The following ESRRB variants were observed in gnomAD, a reference collection of about 807,000 sequenced individuals.
ESRRB encodes estrogen related receptor beta.
Under a neutral mutation model 46.0 loss-of-function variants are expected in ESRRB, and 16 were observed. The ratio of observed to expected loss-of-function variants is 0.35; its 90% CI spans 0.24 to 0.53. ESRRB has a LOEUF of 0.53. Among genes scored for constraint, ESRRB ranks in the 20% least tolerant of loss-of-function variants. The pLI is 0.93. For synonymous variants in ESRRB, 246 were observed against 259.6 expected (o/e 0.95, Z 0.50); for missense variants, 488 against 607.4 (o/e 0.80, Z 2.07).
At position 76,482,890 on chromosome 14, in the gene ESRRB, G is replaced by C. The variant is rs1889865013; in HGVS notation, c.850+131G>C. On this transcript the variant is annotated intron_variant, in intron 5 of 6. Transcript: ENST00000644823. The surrounding 1 kb of genome is among the most constrained non-coding windows in gnomAD (Gnocchi z 4.3). ...AGGCCTGTGAAATCCTGGCAGGCCT[G>C]TTTCTCTGAGCTCCTCTTCTCTCCT... 3 of 1,056,330 alleles carry C rather than the reference G, an allele frequency of 2.8e-6. No individual in the cohort carries two copies. The highest frequency in any genetic ancestry group is 2.7e-5 in the South Asian group (2 of 74,898). The allele number at this position is 1,056,330 out of a possible 1,614,324, so 65.4% of individuals were successfully genotyped here.
At chr14:76,486,472 T>G (rs1410552761) in intron 5 of ESRRB, among the ~76,000 whole-genome samples, 1 of 152,154 alleles carries the variant, frequency 6.6e-6, no homozygotes, top group Non-Finnish European at 1.5e-5. Context: ...ACATCTCCCT[T>G]TATTACCTCT....
At chr14:76,314,056 G>C (rs946504642) in intron 1 of ESRRB, among the ~76,000 whole-genome samples, 1 of 152,098 alleles carries the variant, frequency 6.6e-6, no homozygotes, top group South Asian at 2.1e-4. Context: ...CTCCCAGTGA[G>C]AGTTTAAACA....
chr14:76,437,180 C>T (rs551847810), intron 1 of ESRRB, among the ~76,000 whole-genome samples: 5 of 152,194 alleles, frequency 3.3e-5, no homozygotes, highest in East Asian at 1.9e-4. Flanking sequence ...TACAGGCCGG[C>T]GCCACCATGC....
chr14:76,481,684 C>T (rs1260757020), intron 3 of ESRRB, among the ~76,000 whole-genome samples: 1 of 152,202 alleles, frequency 6.6e-6, no homozygotes, highest in Non-Finnish European at 1.5e-5. Flanking sequence ...GCAGATCTAA[C>T]ATAATGTGAC....
At position 76,500,209 on chromosome 14, in the gene ESRRB, G is replaced by A; in HGVS notation, c.*1751G>A. 2 of 662,532 alleles carry A rather than the reference G, an allele frequency of 3.0e-6. No individual in the cohort carries two copies. The highest frequency in any genetic ancestry group is 3.9e-5 in the South Asian group (2 of 51,782). The allele number at this position is 662,532 out of a possible 1,614,324, so 41.0% of individuals were successfully genotyped here. A position where few individuals can be genotyped will look rare whatever the true frequency, so the allele number is the denominator to read the frequency against. On this transcript the variant is annotated 3_prime_UTR_variant, in exon 7 of 7. Coordinates refer to ENST00000644823, the MANE Select transcript of ESRRB (RefSeq NM_001379180.1). ...GAGGGCTGGCTGAAATCCACAAACTGCAGAGCAGCTCTCTGATGGTGTCCC... is the reference window on the plus strand; with the variant it reads ...GAGGGCTGGCTGAAATCCACAAACTACAGAGCAGCTCTCTGATGGTGTCCC...
At position 76,442,807 on chromosome 14, in the gene ESRRB, CT is replaced by C. The variant is rs974076951; in HGVS notation, c.460+3065del. Among the ~76,000 whole-genome samples the C allele has an allele frequency of 5.0e-4, 71 of 143,184 alleles. No homozygotes were observed. In the East Asian group the frequency reaches 6.0e-3, roughly 12 times the overall value. The allele number at this position is 143,184 out of a possible 152,430, so 93.9% of individuals were successfully genotyped here. On this transcript the variant is annotated intron_variant, in intron 2 of 6. Transcript: ENST00000644823. The stretch of plus-strand genomic sequence containing the variant: ...TAGTTATAAATTTCTTTTTTCTTTT[CT>C]TTTTTTTCTTTTTTTTTTTTTTTTG...
At chr14:76,483,399 G>A (rs935934937) in intron 5 of ESRRB, among the ~76,000 whole-genome samples, 1 of 152,154 alleles carries the variant, frequency 6.6e-6, no homozygotes, top group East Asian at 1.9e-4. Flanking sequence ...ATTGCCATTC[G>A]CCTGATCTCT....
chr14:76,342,854 C>T (rs889610900), intron 1 of ESRRB, among the ~76,000 whole-genome samples: 5 of 152,192 alleles, frequency 3.3e-5, no homozygotes, highest in African/African-American at 1.2e-4. Flanking sequence ...CCTGGGATCA[C>T]AGCAGTGAAC....
intron 1 of ESRRB, among the ~76,000 whole-genome samples, chr14:76,415,799 G>C (rs896999094): frequency 6.6e-6 from 1 of 151,998 alleles, no homozygotes. Context: ...GAGCCACTGC[G>C]CCTGATAAGC....
At chr14:76,432,586 A>G (rs759952750) in intron 1 of ESRRB, among the ~76,000 whole-genome samples, 2 of 151,344 alleles carry the variant, frequency 1.3e-5, no homozygotes, top group South Asian at 4.2e-4. Context: ...GCCTCACTCA[A>G]TGCCCCCCTC....
chr14:76,316,749 GA>G (rs58419416), intron 1 of ESRRB, among the ~76,000 whole-genome samples: 7 of 150,138 alleles, frequency 4.7e-5, no homozygotes, highest in South Asian at 2.1e-4. Flanking sequence ...CTCTGTCCAG[GA>G]AAAAAAAATG....
At chr14:76,394,439 T>C (rs1209160838) in intron 1 of ESRRB, among the ~76,000 whole-genome samples, 1 of 152,220 alleles carries the variant, frequency 6.6e-6, no homozygotes, top group East Asian at 1.9e-4. Context: ...TTTCTGGGCC[T>C]TTTGTACTGA....
chr14:76,360,291 C>A (rs1884447181), intron 1 of ESRRB, among the ~76,000 whole-genome samples: 1 of 152,134 alleles, frequency 6.6e-6, no homozygotes. Flanking sequence ...TTCTAGGGTT[C>A]CTAGTGGAAC....
chr14:76,461,631 C>T (rs1250734377), intron 2 of ESRRB, among the ~76,000 whole-genome samples: 1 of 152,182 alleles, frequency 6.6e-6, no homozygotes, highest in African/African-American at 2.4e-5. Flanking sequence ...ATCTCAGCCT[C>T]CCGAGTAGCT....
chr14:76,390,498 AAAAC>A (rs1265776309), intron 1 of ESRRB, among the ~76,000 whole-genome samples: 5 of 152,206 alleles, frequency 3.3e-5, no homozygotes, highest in Non-Finnish European at 2.9e-5. Context: ...CAAAAAAACA[AAAAC>A]AAACAAACAA....
At chr14:76,424,676 G>C (rs564438870) in intron 1 of ESRRB, among the ~76,000 whole-genome samples, 1 of 152,266 alleles carries the variant, frequency 6.6e-6, no homozygotes, top group South Asian at 2.1e-4. Flanking sequence ...TGTCAGTACT[G>C]CTCTGCTCTG....
Position 76,485,626 on chromosome 14 carries a change from TGAGAGA to T in ESRRB, c.850+2896_850+2901del, listed in dbSNP as rs151021182. ...CATCTGAAGATGGGCTCCCTATCCC[TGAGAGA>T]GAGAGAGAGAGAGAGAGAGAGAGAG... On this transcript the variant is annotated intron_variant, in intron 5 of 6. Transcript: ENST00000644823. Among the ~76,000 whole-genome samples, 562 of 143,932 alleles carry T rather than the reference TGAGAGA, an allele frequency of 3.9e-3. 3 individuals are homozygous for T. The highest frequency in any genetic ancestry group is 3.3e-3 in the African/African-American group (128 of 38,530). The allele number at this position is 143,932 out of a possible 152,430, so 94.4% of individuals were successfully genotyped here. A position where few individuals can be genotyped will look rare whatever the true frequency, so the allele number is the denominator to read the frequency against.
chr14:76,487,143 C>T (rs1276413106), intron 5 of ESRRB, among the ~76,000 whole-genome samples: 1 of 152,144 alleles, frequency 6.6e-6, no homozygotes, highest in Non-Finnish European at 1.5e-5. Context: ...GGGCTTATAC[C>T]ATAACACTGC....
rs562928108 is a variant in ESRRB, at chr14:76,480,231, G to A, written c.578-1785G>A. On this transcript the variant is annotated intron_variant, in intron 3 of 6. Transcript: ENST00000644823. ...CTCCCCCTCTCCCCGACTAAAAAACGTTTAGCACCAGGTACAAATACACCA... is the reference window on the plus strand; with the variant it reads ...CTCCCCCTCTCCCCGACTAAAAAACATTTAGCACCAGGTACAAATACACCA... Among the ~76,000 whole-genome samples, 8 of 152,296 alleles carry A rather than the reference G, an allele frequency of 5.3e-5. No homozygotes were observed. The South Asian group carries it at 1.0e-3, about 20-fold the overall frequency.
Sources: allele counts gnomAD v4.1 joint callset (sites outside exome capture counted in the v4.1 genomes callset), GRCh38; gene constraint gnomAD v4.1.1; non-coding constraint Gnocchi (gnomAD v3.1); transcripts MANE v1.5; gene names NCBI Gene and HGNC (gene_info 2026-07-23, HGNC 2026-07-21).